The following RBFOX1 variants were observed in gnomAD, a reference collection of about 807,000 sequenced individuals.
RBFOX1 encodes RNA binding protein fox-1 homolog 1.
RBFOX1 carries 8 observed loss-of-function variants against 57.7 expected under a neutral mutation model. The ratio of observed to expected loss-of-function variants is 0.14; its 90% CI spans 0.08 to 0.25. The LOEUF is 0.25. RBFOX1 is among the 10% of genes least tolerant of loss of function. The pLI, the probability that RBFOX1 is intolerant of heterozygous loss-of-function variation, is 1.00. For missense variants in RBFOX1, 611 were observed against 548.5 expected (o/e 1.11, Z -1.14); for synonymous variants, 326 against 222.4 (o/e 1.47, Z -4.15).
At chr16:5,774,727 G>C (rs1341330059) in intron 3 of RBFOX1, among the ~76,000 whole-genome samples, 3 of 152,148 alleles carry the variant, frequency 2.0e-5, no homozygotes, top group South Asian at 2.1e-4. Context: ...CTCTCGCCCA[G>C]ACTAGAGTGC....
At chr16:6,623,527 T>G (rs2098264118) in intron 2 of RBFOX1, among the ~76,000 whole-genome samples, 1 of 152,066 alleles carries the variant, frequency 6.6e-6, no homozygotes, top group Non-Finnish European at 1.5e-5. Context: ...GTTTGCCATG[T>G]TGGTGTGCTG....
chr16:6,375,828 C>G lies in RBFOX1; in HGVS notation c.-64+58771C>G, dbSNP rs1018172828. On this transcript the variant is annotated intron_variant, in intron 2 of 15. Transcript: ENST00000550418. Reference sequence around the variant, plus strand: ...AGGCATTTCCCTATCCCTTCTCTCTCCTGTCCCCTGCATAAACAATGCAAA... The same window carrying G: ...AGGCATTTCCCTATCCCTTCTCTCTGCTGTCCCCTGCATAAACAATGCAAA... Among the ~76,000 whole-genome samples, 7 of 152,164 alleles carry G rather than the reference C, an allele frequency of 4.6e-5. No individual in the cohort carries two copies. In the South Asian group the frequency reaches 1.0e-3, roughly 23 times the overall value.
intron 3 of RBFOX1, among the ~76,000 whole-genome samples, chr16:6,843,117 A>T (rs112713330): frequency 0.049 from 7,444 of 152,120 alleles, 274 homozygotes; most frequent in Non-Finnish European, 0.076. Context: ...GTTGTTTCTT[A>T]TTGTTGTTGT....
intron 3 of RBFOX1, chr16:6,749,095 A>T (rs1299572501): frequency 1.3e-5 from 2 of 152,210 alleles, no homozygotes; most frequent in Non-Finnish European, 2.9e-5. Flanking sequence ...TTGAGTGAAA[A>T]GTATTGGAAA....
intron 4 of RBFOX1, among the ~76,000 whole-genome samples, chr16:5,987,055 T>C (rs1472905085): frequency 6.6e-6 from 1 of 152,176 alleles, no homozygotes; most frequent in Non-Finnish European, 1.5e-5. Context: ...TTATTTTTAA[T>C]TTTTTTGCTA....
intron 4 of RBFOX1, among the ~76,000 whole-genome samples, chr16:7,203,045 C>G (rs537921768): frequency 1.8e-4 from 27 of 152,296 alleles, no homozygotes; most frequent in Admixed American, 6.5e-4. Context: ...CTCGGCCTCC[C>G]AAAGTGCTGG....
rs375776608 is a variant in RBFOX1 at position 6,249,240 on chromosome 16, G to C, written c.-126-67755G>C. On this transcript the variant is annotated intron_variant, in intron 1 of 15. Transcript: ENST00000550418. ...AGGAAACAGAAGATGCATAGGTTTT[G>C]AGAGCAGGAAAAAAAGAGACTTGTG... 7.9e-5 allele frequency among the ~76,000 whole-genome samples: 12 copies of C among 152,202 alleles called. No individual in the cohort carries two copies. In the East Asian group the frequency reaches 1.2e-3, roughly 15 times the overall value.
At chr16:5,491,931 G>C (rs1332863851) in intron 2 of RBFOX1, among the ~76,000 whole-genome samples, 2 of 152,326 alleles carry the variant, frequency 1.3e-5, no homozygotes, top group East Asian at 3.9e-4. Context: ...GATGTAAGTT[G>C]GTCTGGGGTG....
At chr16:6,378,160 G>A (rs971812041) in intron 2 of RBFOX1, among the ~76,000 whole-genome samples, 19 of 152,242 alleles carry the variant, frequency 1.2e-4, no homozygotes, top group African/African-American at 4.6e-4. Context: ...AGCTTCTGTT[G>A]TTTGGGAGGA....
chr16:7,378,659 G>A (rs2097729600), intron 4 of RBFOX1, among the ~76,000 whole-genome samples: 1 of 152,004 alleles, frequency 6.6e-6, no homozygotes, highest in Non-Finnish European at 1.5e-5. Flanking sequence ...ATTCAGTTTT[G>A]ACCTCCCAAT....
intron 3 of RBFOX1, among the ~76,000 whole-genome samples, chr16:5,806,628 A>T (rs2055237077): frequency 6.6e-6 from 1 of 152,144 alleles, no homozygotes. Context: ...AAGGGTGAAA[A>T]ATCAAGCCCA....
intron 3 of RBFOX1, among the ~76,000 whole-genome samples, chr16:7,000,362 T>C (rs532371704): frequency 1.1e-4 from 17 of 152,082 alleles, no homozygotes; most frequent in Non-Finnish European, 1.8e-4. Flanking sequence ...AAGTTTCTTT[T>C]ATTAAACTGG....
At chr16:6,910,575 A>G (rs2071311910) in intron 3 of RBFOX1, among the ~76,000 whole-genome samples, 1 of 152,140 alleles carries the variant, frequency 6.6e-6, no homozygotes, top group Admixed American at 6.5e-5. Flanking sequence ...GGTAAAATCA[A>G]AGCCTCAGCA....
chr16:5,721,024 A>T (rs753905478), intron 3 of RBFOX1, among the ~76,000 whole-genome samples: 5 of 152,016 alleles, frequency 3.3e-5, no homozygotes, highest in Non-Finnish European at 5.9e-5. Context: ...TTTGAGAGGT[A>T]TTTTCATTTT....
At chr16:6,307,132 C>G (rs1228662575) in intron 1 of RBFOX1, among the ~76,000 whole-genome samples, 1 of 152,168 alleles carries the variant, frequency 6.6e-6, no homozygotes, top group Non-Finnish European at 1.5e-5. Flanking sequence ...AAACCTGCAG[C>G]AAGTTCTTTC....
intron 2 of RBFOX1, among the ~76,000 whole-genome samples, chr16:5,598,523 C>A (rs2047262317): frequency 6.6e-6 from 1 of 152,028 alleles, no homozygotes; most frequent in African/African-American, 2.4e-5. Flanking sequence ...TTAAACATAG[C>A]AATATATTTT....
intron 3 of RBFOX1, among the ~76,000 whole-genome samples, chr16:5,671,556 G>A (rs181679377): frequency 6.6e-6 from 1 of 152,318 alleles, no homozygotes; most frequent in African/African-American, 2.4e-5. Context: ...TGGGTGTTAT[G>A]AAATTCAAAA....
At chr16:6,859,254 C>T (rs1603633284) in intron 3 of RBFOX1, among the ~76,000 whole-genome samples, 1 of 147,942 alleles carries the variant, frequency 6.8e-6, no homozygotes, top group African/African-American at 2.5e-5. Context: ...GATTCTGACT[C>T]TTTATAAAAA....
At chr16:7,531,390 T>C (rs371338031) in intron 5 of RBFOX1, among the ~76,000 whole-genome samples, 110 of 152,262 alleles carry the variant, frequency 7.2e-4, no homozygotes, top group African/African-American at 2.5e-3. Flanking sequence ...CAGCTTTCTG[T>C]GGACAATCAG....
Sources: allele counts gnomAD v4.1 joint callset (sites outside exome capture counted in the v4.1 genomes callset), GRCh38; gene constraint gnomAD v4.1.1; transcripts MANE v1.5; gene names NCBI Gene and HGNC (gene_info 2026-07-23, HGNC 2026-07-21).